ABCC9: variants seen among roughly 807,000 people sequenced by gnomAD.
The protein encoded by ABCC9 is ATP binding cassette subfamily C member 9.
Under a neutral mutation model 188.3 loss-of-function variants are expected in ABCC9, and 95 were observed. The observed-to-expected ratio is 0.50, with a 90% CI of 0.43 to 0.60. The LOEUF (loss-of-function observed/expected upper bound fraction) is 0.60. ABCC9 is among the 20% of genes least tolerant of loss of function. ABCC9 has a pLI of 0.00. For missense variants in ABCC9, 1,102 were observed against 1,876.3 expected (o/e 0.59, Z 7.62); for synonymous variants, 659 against 652.7 (o/e 1.01, Z -0.15).
intron 31 of ABCC9, among the ~76,000 whole-genome samples, chr12:21,822,087 T>A (rs1296992719): frequency 3.3e-5 from 5 of 152,098 alleles, no homozygotes; most frequent in African/African-American, 1.2e-4. Flanking sequence ...ATAGCAAAAA[T>A]TTTCAGAAGA....
At chr12:21,918,663 T>C (rs1948692669) in intron 5 of ABCC9, among the ~76,000 whole-genome samples, 1 of 152,126 alleles carries the variant, frequency 6.6e-6, no homozygotes, top group South Asian at 2.1e-4. Flanking sequence ...GGGTTCTCTA[T>C]TCCAGGTTCT....
intron 37 of ABCC9, 81 bp downstream of exon 37, chr12:21,809,771 G>C (rs1489357909): frequency 6.6e-5 from 55 of 829,876 alleles, no homozygotes; most frequent in Non-Finnish European, 3.7e-5. Context: ...AAAGTTATGT[G>C]ATTATAGCAT....
intron 14 of ABCC9, among the ~76,000 whole-genome samples, chr12:21,892,362 C>T (rs1947199298): frequency 6.6e-6 from 1 of 152,112 alleles, no homozygotes; most frequent in Non-Finnish European, 1.5e-5. Context: ...TTTCTATCTC[C>T]ACTTGTAGTA....
At chr12:21,857,568 TAA>T (rs1945289047) in intron 22 of ABCC9, among the ~76,000 whole-genome samples, 1 of 152,244 alleles carries the variant, frequency 6.6e-6, no homozygotes, top group Admixed American at 6.5e-5. Flanking sequence ...TTTGCAGATG[TAA>T]TTAAGACTAA....
intron 29 of ABCC9, among the ~76,000 whole-genome samples, chr12:21,840,694 G>T (rs1944334723): frequency 6.6e-6 from 1 of 152,192 alleles, no homozygotes; most frequent in African/African-American, 2.4e-5. Context: ...CAGAAGAAAA[G>T]AAATGTGAAG....
At chr12:21,822,846 G>A (rs1163348183) in intron 31 of ABCC9, among the ~76,000 whole-genome samples, 2 of 148,742 alleles carry the variant, frequency 1.3e-5, no homozygotes, top group African/African-American at 5.0e-5. Context: ...TTCTTTTACT[G>A]TTAAACTTAA....
chr12:21,803,646 ACT>A (rs1474266236), intron 39 of ABCC9, among the ~76,000 whole-genome samples: 1 of 139,344 alleles, frequency 7.2e-6, no homozygotes, highest in African/African-American at 2.7e-5. Context: ...CAAGAGTGAA[ACT>A]CTGTCTCCAA....
chr12:21,856,703 A>T (rs987047875), intron 22 of ABCC9, among the ~76,000 whole-genome samples: 2 of 152,130 alleles, frequency 1.3e-5, no homozygotes, highest in Non-Finnish European at 2.9e-5. Flanking sequence ...GGCATTGGGG[A>T]TGTTCACTGA....
chr12:21,913,957 T>A (rs1948431821), intron 7 of ABCC9, among the ~76,000 whole-genome samples: 1 of 152,168 alleles, frequency 6.6e-6, no homozygotes, highest in Admixed American at 6.6e-5. Context: ...TAAAGAGAAC[T>A]CAGAAAAATT....
chr12:21,928,244 G>A (rs906425663), intron 4 of ABCC9, among the ~76,000 whole-genome samples: 1 of 142,662 alleles, frequency 7.0e-6, no homozygotes, highest in Admixed American at 7.2e-5. Context: ...AGGAAAGGAA[G>A]GGGAGGGGAG....
At chr12:21,937,473 G>A (rs1428611375) in intron 2 of ABCC9, among the ~76,000 whole-genome samples, 1 of 152,112 alleles carries the variant, frequency 6.6e-6, no homozygotes, top group Non-Finnish European at 1.5e-5. Context: ...TGTCAGGATT[G>A]CGGCTTCTAC....
chr12:21,835,328 T>A (rs1231669285), intron 30 of ABCC9, among the ~76,000 whole-genome samples: 1 of 152,212 alleles, frequency 6.6e-6, no homozygotes, highest in African/African-American at 2.4e-5. Flanking sequence ...ACATTACAGC[T>A]CTTAAGTAGC....
At chr12:21,819,880 G>C (rs150825171) in intron 31 of ABCC9, among the ~76,000 whole-genome samples, 54 of 152,278 alleles carry the variant, frequency 3.5e-4, no homozygotes, top group Non-Finnish European at 6.8e-4. Flanking sequence ...CACAGAGGTA[G>C]TAAATACTTT....
intron 4 of ABCC9, among the ~76,000 whole-genome samples, chr12:21,926,792 C>T (rs74067884): frequency 0.015 from 2,291 of 152,294 alleles, 34 homozygotes; most frequent in Middle Eastern, 0.058. Context: ...AGCAATTCAG[C>T]ATGACTGCAA....
intron 5 of ABCC9, chr12:21,924,622 G>C (rs933390890): frequency 6.6e-5 from 10 of 151,882 alleles, no homozygotes; most frequent in Admixed American, 1.3e-4. Context: ...GGCCTCTTCT[G>C]ATTGCATTTC....
intron 12 of ABCC9, among the ~76,000 whole-genome samples, chr12:21,896,946 T>C (rs1947460019): frequency 1.3e-5 from 2 of 152,220 alleles, no homozygotes; most frequent in Admixed American, 6.5e-5. Flanking sequence ...AGTAATGAGA[T>C]TGATGGGTCA....
intron 4 of ABCC9, among the ~76,000 whole-genome samples, chr12:21,933,392 T>C (rs11613635): frequency 0.033 from 5,010 of 152,050 alleles, 108 homozygotes; most frequent in Middle Eastern, 0.068. Flanking sequence ...GTTTAAAAAA[T>C]TGGTTTTATT....
intron 34 of ABCC9, 69 bp from the exon 35 acceptor site, chr12:21,814,791 T>G: frequency 7.9e-7 from 1 of 1,261,248 alleles, no homozygotes; most frequent in Non-Finnish European, 1.2e-6. Flanking sequence ...TTAAGTTTTG[T>G]TTTTTAACTT....
intron 32 of ABCC9, 67 bp from the exon 33 acceptor site, chr12:21,817,374 A>C (rs1942714642): frequency 6.5e-7 from 1 of 1,527,902 alleles, no homozygotes; most frequent in East Asian, 2.3e-5. Flanking sequence ...TAATCACCGG[A>C]AATTTTGGAA....
Sources: allele counts gnomAD v4.1 joint callset (sites outside exome capture counted in the v4.1 genomes callset), GRCh38; gene constraint gnomAD v4.1.1; transcripts MANE v1.5; gene names NCBI Gene and HGNC (gene_info 2026-07-23, HGNC 2026-07-21).